DCAF7: variants seen among roughly 807,000 people sequenced by gnomAD.
DCAF7 encodes the protein DDB1 and CUL4 associated factor 7.
Under a neutral mutation model 41.2 loss-of-function variants are expected in DCAF7, and 4 were observed. That is an observed-to-expected ratio of 0.10 (90% confidence interval 0.05 to 0.22). The LOEUF is 0.22. Among genes scored for constraint, DCAF7 ranks in the 10% least tolerant of loss-of-function variants. The probability of loss-of-function intolerance (pLI) is 1.00; values close to 1 mark genes in which losing one functional copy is unlikely to be tolerated. For missense variants in DCAF7, 131 were observed against 443.2 expected, an observed-to-expected ratio of 0.30 and a Z score of 6.32; for synonymous variants, 143 against 164.2, an observed-to-expected ratio of 0.87 and a Z score of 0.99.
At chr17:63,580,563 G>C (rs1218592093) in intron 4 of DCAF7, among the ~76,000 whole-genome samples, 1 of 130,394 alleles carries the variant, frequency 7.7e-6, no homozygotes, top group East Asian at 2.2e-4. Context: ...TTGTTGCCCA[G>C]GCTGGAGTGC....
intron 1 of DCAF7, among the ~76,000 whole-genome samples, chr17:63,567,531 A>G (rs2033456946): frequency 6.6e-6 from 1 of 152,250 alleles, no homozygotes; most frequent in Non-Finnish European, 1.5e-5. Flanking sequence ...GTTGAAGAAA[A>G]CACAATCAAT....
chr17:63,583,348 C>T (rs761827418), intron 4 of DCAF7, among the ~76,000 whole-genome samples, 154 bp from the exon 5 acceptor site: 31 of 152,132 alleles, frequency 2.0e-4, no homozygotes, highest in Non-Finnish European at 3.2e-4. Flanking sequence ...TTAGAGCTCT[C>T]GGGTTTCAGT....
At chr17:63,583,753 C>T (rs768592235) in intron 5 of DCAF7, 42 bp downstream of exon 5, 1 of 1,584,726 alleles carries the variant, frequency 6.3e-7, no homozygotes, top group African/African-American at 1.3e-5. Flanking sequence ...TGCCTAACTC[C>T]AGCACTGCTT....
At chr17:63,578,100 T>C (rs918081679) in intron 1 of DCAF7, among the ~76,000 whole-genome samples, 9 of 152,190 alleles carry the variant, frequency 5.9e-5, no homozygotes, top group Non-Finnish European at 2.9e-5. Flanking sequence ...TAGTGACTCA[T>C]GTCTGTAATC....
chr17:63,563,716 G>T (rs1253545140), intron 1 of DCAF7, among the ~76,000 whole-genome samples: 1 of 152,148 alleles, frequency 6.6e-6, no homozygotes, highest in East Asian at 1.9e-4. Context: ...TCGGGAGGCT[G>T]AGATGGGAGG....
chr17:63,587,526 C>A (rs1031840913), intron 6 of DCAF7, among the ~76,000 whole-genome samples: 1 of 152,116 alleles, frequency 6.6e-6, no homozygotes, highest in Non-Finnish European at 1.5e-5. Context: ...AGCTGTTGCT[C>A]AAGTGTGCTC....
At position 63,550,651 on chromosome 17, in the gene DCAF7, G is replaced by T; in HGVS notation, c.-27G>T. On this transcript the variant is annotated 5_prime_UTR_variant, in exon 1 of 7. Transcript: ENST00000614556. The surrounding 1 kb of genome is among the most constrained non-coding windows in gnomAD (Gnocchi z 4.8). ...GCCCGCCGCAGCCCACTGTTGACCC[G>T]GCCCGTACTGCGGCCCCGTGGCCAC... 1.9e-6 allele frequency: 3 copies of T among 1,611,284 alleles called. No individual in the cohort carries two copies. The highest frequency in any genetic ancestry group is 2.5e-6 in the Non-Finnish European group (3 of 1,179,000).
At chr17:63,559,827 A>G (rs1387912769) in intron 1 of DCAF7, among the ~76,000 whole-genome samples, 3 of 152,138 alleles carry the variant, frequency 2.0e-5, no homozygotes, top group African/African-American at 7.2e-5. Context: ...TTGTACCAGA[A>G]TTCCAGATAA....
chr17:63,584,297 G>A (rs1038062028), intron 5 of DCAF7, among the ~76,000 whole-genome samples: 11 of 152,014 alleles, frequency 7.2e-5, no homozygotes, highest in Admixed American at 3.9e-4. Context: ...GCGAAACCTC[G>A]TCTCTACTAA....
intron 1 of DCAF7, among the ~76,000 whole-genome samples, chr17:63,565,435 C>T (rs1197582363): frequency 2.0e-5 from 3 of 152,010 alleles, no homozygotes; most frequent in East Asian, 1.9e-4. Flanking sequence ...ATTAGCTGGG[C>T]GTGGTGGTGC....
intron 1 of DCAF7, among the ~76,000 whole-genome samples, chr17:63,577,859 C>T (rs865787801): frequency 6.6e-6 from 1 of 152,150 alleles, no homozygotes; most frequent in Non-Finnish European, 1.5e-5. Flanking sequence ...GTGTGCCTGG[C>T]CTGGCAGATA....
rs370705748 is a variant in DCAF7, at chr17:63,564,611, T to C, written c.138+13796T>C. Among the ~76,000 whole-genome samples the C allele has an allele frequency of 2.0e-5, 3 of 152,304 alleles. No individual in the cohort carries two copies. The South Asian group carries it at 6.2e-4, about 32-fold the overall frequency. ...ACCCAATCTGACCTCTCCTACCCAGTTGTAGGTTCAGAGAAACTGGAGCGG... is the reference window on the plus strand; with the variant it reads ...ACCCAATCTGACCTCTCCTACCCAGCTGTAGGTTCAGAGAAACTGGAGCGG... On this transcript the variant is annotated intron_variant, in intron 1 of 6. Coordinates refer to ENST00000614556, the MANE Select transcript of DCAF7 (RefSeq NM_005828.5).
intron 6 of DCAF7, among the ~76,000 whole-genome samples, chr17:63,586,926 A>G (rs183394908): frequency 5.3e-5 from 8 of 152,294 alleles, no homozygotes; most frequent in Admixed American, 3.9e-4. Flanking sequence ...CCCTCTGCAT[A>G]GATGACCTCT....
rs60576809 is a variant in DCAF7 at position 63,573,730 on chromosome 17, C to CA, written c.139-4724dup. 5.0e-3 allele frequency among the ~76,000 whole-genome samples: 559 copies of CA among 112,358 alleles called. 5 individuals carry two copies. Among genetic ancestry groups the CA allele is most frequent in the East Asian group, 0.038 (147 of 3,870 alleles). The allele number at this position is 112,358 out of a possible 152,430, so 73.7% of individuals were successfully genotyped here. On this transcript the variant is annotated intron_variant, in intron 1 of 6. Coordinates refer to ENST00000614556, the MANE Select transcript of DCAF7 (RefSeq NM_005828.5). ...GGGTGACAAGAGTGAAAATCCGTCT[C>CA]AAAAAAAAAAAAAAAATTATGCAAA... is the stretch of plus-strand genomic sequence containing the variant.
Position 63,592,800 on chromosome 17 carries a change from G to A in DCAF7, c.*3628G>A, listed in dbSNP as rs191992341. ...ATGTTTGGTGGTAAAAAACCTACAG[G>A]CGTTTGGGGTCCCATGATTGTTCCA... On this transcript the variant is annotated 3_prime_UTR_variant, in exon 7 of 7. Transcript: ENST00000614556. The A allele has an allele frequency of 1.2e-4, 19 of 152,384 alleles. No individual in the cohort carries two copies. Among genetic ancestry groups the A allele is most frequent in the Non-Finnish European group, 2.1e-4 (14 of 68,092 alleles). The allele number at this position is 152,384 out of a possible 1,614,324, so 9.4% of individuals were successfully genotyped here. A position where few individuals can be genotyped will look rare whatever the true frequency, so the allele number is the denominator to read the frequency against.
At chr17:63,582,539 G>C (rs1417015831) in intron 4 of DCAF7, among the ~76,000 whole-genome samples, 2 of 151,292 alleles carry the variant, frequency 1.3e-5, no homozygotes, top group Non-Finnish European at 2.9e-5. Flanking sequence ...CCTGATCTCA[G>C]CTCACTGTAA....
At chr17:63,565,520 C>T (rs1395135340) in intron 1 of DCAF7, among the ~76,000 whole-genome samples, 7 of 151,738 alleles carry the variant, frequency 4.6e-5, no homozygotes, top group Non-Finnish European at 8.8e-5. Context: ...GAGCCAAGAT[C>T]GCACCATTGC....
chr17:63,580,507 C>CTTTT (rs530801174), intron 4 of DCAF7, among the ~76,000 whole-genome samples: 4 of 43,880 alleles, frequency 9.1e-5, no homozygotes, highest in Non-Finnish European at 1.3e-4. Context: ...TTTGTGATTG[C>CTTTT]TTTTTTTTTT....
At chr17:63,584,605 A>G (rs1001285483) in intron 5 of DCAF7, among the ~76,000 whole-genome samples, 1 of 151,758 alleles carries the variant, frequency 6.6e-6, no homozygotes, top group African/African-American at 2.4e-5. Context: ...CTAAAAAAAT[A>G]CAAAAAATTA....
Sources: allele counts gnomAD v4.1 joint callset (sites outside exome capture counted in the v4.1 genomes callset), GRCh38; gene constraint gnomAD v4.1.1; non-coding constraint Gnocchi (gnomAD v3.1); transcripts MANE v1.5; gene names NCBI Gene and HGNC (gene_info 2026-07-23, HGNC 2026-07-21).